ACVRL1: variants seen among roughly 807,000 people sequenced by gnomAD.
ACVRL1 encodes the protein activin receptor type-1-like.
ACVRL1 carries 20 observed loss-of-function variants against 51.9 expected under a neutral mutation model. That is an observed-to-expected ratio of 0.39 (90% CI 0.27 to 0.56). The LOEUF (loss-of-function observed/expected upper bound fraction) is 0.56. Among genes scored for constraint, ACVRL1 ranks in the 20% least tolerant of loss-of-function variants. ACVRL1 has a pLI of 0.67. For missense variants in ACVRL1, 451 were observed against 670.3 expected (o/e 0.67, Z 3.61); for synonymous variants, 288 against 280.9 (o/e 1.03, Z -0.25).
At position 51,916,227 on chromosome 12, in the gene ACVRL1, G is replaced by A. The variant is rs750049645; in HGVS notation, c.1240G>A (p.Val414Met). The change falls in exon 8 of 10, where the codon GTG becomes ATG. Residue 414 changes from valine (V) to methionine (M), a missense_variant. By Grantham distance (21) the Val-to-Met change is conservative. Coordinates refer to ENST00000388922, the MANE Select transcript of ACVRL1 (RefSeq NM_000020.3). ...GTGGGAGATTGCCCGCCGGACCATC[G>A]TGAATGGTGAGGGCCCACCCTACAC... ...VLWEIARRTI[V>M]NGIVEDYRPP... is the part of the protein sequence containing the mutation. 9 of 1,613,952 alleles carry A rather than the reference G, an allele frequency of 5.6e-6. No homozygotes were observed. The highest frequency in any genetic ancestry group is 1.6e-4 in the Middle Eastern group (1 of 6,062).
At position 51,919,049 on chromosome 12, in the gene ACVRL1, C is replaced by T; in HGVS notation, c.1311C>T (p.Asp437=). ...TGCCCAATGACCCCAGCTTTGAGGACATGAAGAAGGTGGTGTGTGTGGATC... is the reference window on the plus strand; with the variant it reads ...TGCCCAATGACCCCAGCTTTGAGGATATGAAGAAGGTGGTGTGTGTGGATC... ...DVVPNDPSFE[D]MKKVVCVDQQ... The change falls in exon 9 of 10, where the codon GAC becomes GAT. Residue 437 remains aspartate, a synonymous_variant. Transcript: ENST00000388922. 5 of 1,614,182 alleles carry T rather than the reference C, an allele frequency of 3.1e-6. No homozygotes were observed. Among genetic ancestry groups the T allele is most frequent in the Non-Finnish European group, 4.2e-6 (5 of 1,180,038 alleles).
At position 51,914,447 on chromosome 12, in the gene ACVRL1, C is replaced by T. The variant is rs1468776384; in HGVS notation, c.634C>T (p.Arg212Cys). ...VALVECVGKG[R>C]YGEVWRGLWH... Reference sequence around the variant, plus strand: ...TCCCCTCTGGCCATCAGGAAAAGGCCGCTATGGCGAAGTGTGGCGGGGCTT... The same window carrying T: ...TCCCCTCTGGCCATCAGGAAAAGGCTGCTATGGCGAAGTGTGGCGGGGCTT... The change falls in exon 6 of 10, where the codon CGC becomes TGC. Residue 212 changes from arginine to cysteine, a missense_variant. By Grantham distance (180) the Arg-to-Cys change is radical. This residue lies in a region of ACVRL1 where 259 missense variants were observed against 453.4 expected (regional missense o/e 0.57). Transcript: ENST00000388922. The T allele has an allele frequency of 3.1e-6, 5 of 1,614,068 alleles. No homozygotes were observed. The African/African-American group carries it at 4.0e-5, about 13-fold the overall frequency.
chr12:51,919,286 C>T, intron 9 of ACVRL1, 171 bp downstream of exon 9: 2 of 973,578 alleles, frequency 2.1e-6, no homozygotes, highest in Non-Finnish European at 3.1e-6. Context: ...TGCTCCCTGC[C>T]CCCAGGGCCA....
chr12:51,914,410 T>C (rs1940779497), intron 5 of ACVRL1, 29 bp from the exon 6 acceptor site: 7 of 1,614,030 alleles, frequency 4.3e-6, no homozygotes, highest in Non-Finnish European at 5.9e-6. Flanking sequence ...GCCCAGTGTG[T>C]AACCCTCACC....
At chr12:51,909,220 C>T (rs1940647239) in intron 1 of ACVRL1, among the ~76,000 whole-genome samples, 1 of 152,178 alleles carries the variant, frequency 6.6e-6, no homozygotes, top group Non-Finnish European at 1.5e-5. Flanking sequence ...CATACCACTA[C>T]TCTGGCTCTC....
intron 7 of ACVRL1, 156 bp from the exon 8 acceptor site, chr12:51,915,880 G>T: frequency 1.3e-6 from 1 of 790,538 alleles, no homozygotes; most frequent in Admixed American, 2.8e-5. Flanking sequence ...TGGGGCCATG[G>T]TTCTCTCTGT....
At chr12:51,912,364 C>T (rs1940708794) in intron 1 of ACVRL1, 106 bp from the exon 2 acceptor site, 1 of 1,304,860 alleles carries the variant, frequency 7.7e-7, no homozygotes, top group Non-Finnish European at 1.1e-6. Flanking sequence ...CTCCCTGCCT[C>T]CCCTCCAAAA....
intron 1 of ACVRL1, among the ~76,000 whole-genome samples, chr12:51,908,325 C>A (rs1266757994): frequency 6.6e-6 from 1 of 152,168 alleles, no homozygotes; most frequent in Non-Finnish European, 1.5e-5. Flanking sequence ...GCTGGCTGCC[C>A]CAGCTCCTCT....
chr12:51,914,392 C>G (rs1423259280), intron 5 of ACVRL1, 47 bp from the exon 6 acceptor site: 2 of 1,613,158 alleles, frequency 1.2e-6, no homozygotes, highest in African/African-American at 2.7e-5. Context: ...TCTTCCAGGG[C>G]TCTGTGTGCC....
intron 4 of ACVRL1, 88 bp downstream of exon 4, chr12:51,913,858 G>C: frequency 6.3e-7 from 1 of 1,576,346 alleles, no homozygotes; most frequent in Non-Finnish European, 8.6e-7. Flanking sequence ...ATTAGAGCCG[G>C]TGGGGAGCTG....
chr12:51,920,724 C>G, intron 9 of ACVRL1, 35 bp from the exon 10 acceptor site: 1 of 1,611,286 alleles, frequency 6.2e-7, no homozygotes, highest in Non-Finnish European at 8.5e-7. Flanking sequence ...TCTCTCTCTG[C>G]CTCCTCTCCT....
intron 6 of ACVRL1, 43 bp downstream of exon 6, chr12:51,914,628 C>A (rs749290061): frequency 6.3e-7 from 1 of 1,584,118 alleles, no homozygotes; most frequent in South Asian, 1.1e-5. Flanking sequence ...GGCTTTGCCC[C>A]CCTGCACTCA....
intron 8 of ACVRL1, 43 bp downstream of exon 8, chr12:51,916,276 C>T (rs1483707307): frequency 6.3e-7 from 1 of 1,598,372 alleles, no homozygotes; most frequent in East Asian, 2.3e-5. Flanking sequence ...GGGAATCAGC[C>T]TGTGGAGCCA....
chr12:51,912,102 C>T (rs1844219450), intron 1 of ACVRL1, among the ~76,000 whole-genome samples: 1 of 152,106 alleles, frequency 6.6e-6, no homozygotes, highest in Admixed American at 6.5e-5. Flanking sequence ...GAAAGAGACA[C>T]AGAACAGAAG....
chr12:51,910,779 C>G (rs1314277166), intron 1 of ACVRL1, among the ~76,000 whole-genome samples: 1 of 152,218 alleles, frequency 6.6e-6, no homozygotes, highest in Admixed American at 6.5e-5. Context: ...AGAGTCCTCA[C>G]TGGCTGCGGG....
chr12:51,911,700 T>C (rs150855128), intron 1 of ACVRL1, among the ~76,000 whole-genome samples: 7 of 152,308 alleles, frequency 4.6e-5, no homozygotes, highest in Non-Finnish European at 8.8e-5. Flanking sequence ...CCGGGACAAG[T>C]CTTCTTCCCT....
At chr12:51,909,920 T>C (rs1940658028) in intron 1 of ACVRL1, among the ~76,000 whole-genome samples, 1 of 152,220 alleles carries the variant, frequency 6.6e-6, no homozygotes, top group Admixed American at 6.5e-5. Flanking sequence ...CCAACAATAG[T>C]GATGCTTCTG....
chr12:51,911,507 G>A (rs1940688320), intron 1 of ACVRL1, among the ~76,000 whole-genome samples: 2 of 152,210 alleles, frequency 1.3e-5, no homozygotes, highest in Admixed American at 1.3e-4. Flanking sequence ...TGGTGAGCTT[G>A]CAGAGAGGTT....
Position 51,914,572 on chromosome 12 carries a change from C to T in ACVRL1, c.759C>T (p.His253=), listed in dbSNP as rs374020751. 2.1e-4 allele frequency: 334 copies of T among 1,613,224 alleles called. 2 individuals are homozygous for T. The highest frequency in any genetic ancestry group is 2.0e-3 in the Middle Eastern group (12 of 6,060). The part of the protein sequence containing the change: ...TEIYNTVLLR[H]DNILGFIASD... ...TCTATAACACAGTGTTGCTCAGACA[C>T]GACAACATCCTAGGCAAGGGGAGAG... is the stretch of plus-strand genomic sequence containing the variant. The change falls in exon 6 of 10, where the codon CAC becomes CAT. Residue 253 remains histidine, a synonymous_variant. Coordinates refer to ENST00000388922, the MANE Select transcript of ACVRL1 (RefSeq NM_000020.3).
Sources: allele counts gnomAD v4.1 joint callset (sites outside exome capture counted in the v4.1 genomes callset), GRCh38; gene constraint gnomAD v4.1.1; regional missense constraint gnomAD v4.1.1; transcripts MANE v1.5; gene names NCBI Gene and HGNC (gene_info 2026-07-23, HGNC 2026-07-21).